The following TOX variants were observed in gnomAD, a reference collection of about 807,000 sequenced individuals.
The protein encoded by TOX is thymocyte selection associated high mobility group box.
Under a neutral mutation model 53.7 loss-of-function variants are expected in TOX, and 11 were observed. The observed-to-expected ratio is 0.20, with a 90% confidence interval of 0.13 to 0.34. TOX has a LOEUF of 0.34. Among genes scored for constraint, TOX ranks in the 10% least tolerant of loss-of-function variants. TOX has a pLI of 1.00. For synonymous variants in TOX, 225 were observed against 245.3 expected, an observed-to-expected ratio of 0.92 and a Z score of 0.77; for missense variants, 570 against 664.6, an observed-to-expected ratio of 0.86 and a Z score of 1.56.
At chr8:59,079,312 C>G (rs1441662030) in intron 1 of TOX, among the ~76,000 whole-genome samples, 1 of 152,162 alleles carries the variant, frequency 6.6e-6, no homozygotes, top group African/African-American at 2.4e-5. Flanking sequence ...ACATCCAAGA[C>G]AATGGGAAAA....
chr8:59,073,566 G>GT (rs985694506), intron 1 of TOX, among the ~76,000 whole-genome samples: 1 of 151,702 alleles, frequency 6.6e-6, no homozygotes, highest in Non-Finnish European at 1.5e-5. Flanking sequence ...TTTTAATCTT[G>GT]TTTTTTTGTT....
intron 1 of TOX, among the ~76,000 whole-genome samples, chr8:59,081,538 G>A (rs1035903948): frequency 1.3e-5 from 2 of 152,150 alleles, no homozygotes; most frequent in African/African-American, 4.8e-5. Flanking sequence ...GTCAATGGTA[G>A]CTTTAAGTTT....
chr8:59,000,707 T>C (rs1339367391), intron 1 of TOX, among the ~76,000 whole-genome samples: 4 of 152,062 alleles, frequency 2.6e-5, no homozygotes, highest in Admixed American at 6.5e-5. Context: ...TAAAGAAAAA[T>C]TGAGAATTGA....
chr8:59,033,733 G>A lies in TOX; in HGVS notation c.103-73725C>T, dbSNP rs114499539. 3.7e-3 allele frequency among the ~76,000 whole-genome samples: 560 copies of A among 152,240 alleles called. 6 individuals carry two copies. The highest frequency in any genetic ancestry group is 0.013 in the African/African-American group (535 of 41,542). On this transcript the variant is annotated intron_variant, in intron 1 of 8. Coordinates refer to ENST00000361421, the MANE Select transcript of TOX (RefSeq NM_014729.3). ...ATTATATATCCAATCTCTCCATCAC[G>A]TCAGGGGAAGGGAACTATTTCCGAC...
At chr8:59,040,919 C>T (rs1803570247) in intron 1 of TOX, among the ~76,000 whole-genome samples, 1 of 152,182 alleles carries the variant, frequency 6.6e-6, no homozygotes, top group Non-Finnish European at 1.5e-5. Context: ...GCAGGACACA[C>T]CCTTGCTTCA....
intron 1 of TOX, among the ~76,000 whole-genome samples, chr8:59,021,463 C>CAAAAA (rs148800261): frequency 0.011 from 731 of 69,436 alleles, 20 homozygotes; most frequent in Non-Finnish European, 0.015. Flanking sequence ...TTTCTACAAG[C>CAAAAA]AAAAAAAAAA....
rs149554633 is a variant in TOX, at chr8:58,880,000, A to G, written c.412-28195T>C. Among the ~76,000 whole-genome samples the G allele has an allele frequency of 3.7e-3, 558 of 152,284 alleles. 4 individuals are homozygous for G. The highest frequency in any genetic ancestry group is 0.013 in the African/African-American group (534 of 41,550). On this transcript the variant is annotated intron_variant, in intron 3 of 8. Transcript: ENST00000361421. ...TTTATTATCTTTACTGTCTTTTTAA[A>G]ATGGTCATATCTATTTTGAAACATT... is the stretch of plus-strand genomic sequence containing the variant.
intron 1 of TOX, among the ~76,000 whole-genome samples, chr8:58,995,160 T>G (rs1813538790): frequency 6.6e-6 from 1 of 152,222 alleles, no homozygotes; most frequent in Non-Finnish European, 1.5e-5. Flanking sequence ...TTTATTTAAA[T>G]CTCACTTGAG....
At chr8:58,825,685 TA>T (rs1563363260) in intron 6 of TOX, among the ~76,000 whole-genome samples, 1 of 152,366 alleles carries the variant, frequency 6.6e-6, no homozygotes, top group East Asian at 1.9e-4. Flanking sequence ...GTTTTTGGCA[TA>T]ATTATCTGTT....
chr8:59,092,090 A>AAATAC (rs1007364237), intron 1 of TOX, among the ~76,000 whole-genome samples: 6 of 150,818 alleles, frequency 4.0e-5, no homozygotes, highest in Non-Finnish European at 8.8e-5. Context: ...TCTCTACTAA[A>AAATAC]AATACAAAAA....
At chr8:58,889,183 G>A (rs1251965324) in intron 3 of TOX, among the ~76,000 whole-genome samples, 1 of 147,014 alleles carries the variant, frequency 6.8e-6, no homozygotes, top group Non-Finnish European at 1.5e-5. Flanking sequence ...TTTATACAGG[G>A]CTCTTCATTG....
intron 3 of TOX, among the ~76,000 whole-genome samples, chr8:58,899,716 G>A (rs1463708472): frequency 1.3e-5 from 2 of 152,058 alleles, no homozygotes; most frequent in African/African-American, 2.4e-5. Context: ...CTGAAACAAC[G>A]CTCAAAGGAA....
At chr8:58,882,127 G>A (rs1328048816) in intron 3 of TOX, among the ~76,000 whole-genome samples, 1 of 152,188 alleles carries the variant, frequency 6.6e-6, no homozygotes, top group African/African-American at 2.4e-5. Context: ...GTGCATGTCT[G>A]GTGAACCATG....
chr8:58,842,849 G>A (rs1810667220), intron 4 of TOX, among the ~76,000 whole-genome samples: 1 of 152,214 alleles, frequency 6.6e-6, no homozygotes, highest in Non-Finnish European at 1.5e-5. Context: ...AATCCATTTT[G>A]TTAGTTGCCT....
chr8:59,051,742 G>C (rs550381049), intron 1 of TOX, among the ~76,000 whole-genome samples: 1 of 152,050 alleles, frequency 6.6e-6, no homozygotes, highest in Non-Finnish European at 1.5e-5. Context: ...TGTTGGATGG[G>C]GACTGAGTGT....
At chr8:58,894,960 C>G (rs916048746) in intron 3 of TOX, among the ~76,000 whole-genome samples, 1 of 151,660 alleles carries the variant, frequency 6.6e-6, no homozygotes, top group African/African-American at 2.4e-5. Context: ...GAGGCGGAGG[C>G]AGGGGGATCA....
chr8:58,924,708 C>G (rs900306472), intron 3 of TOX, among the ~76,000 whole-genome samples: 17 of 152,196 alleles, frequency 1.1e-4, no homozygotes, highest in Admixed American at 2.0e-4. Context: ...ATCCACGATT[C>G]AGAGTTATGT....
intron 1 of TOX, among the ~76,000 whole-genome samples, chr8:59,007,414 A>G (rs1311090631): frequency 6.6e-6 from 1 of 152,182 alleles, no homozygotes. Flanking sequence ...GGGGAAGGCA[A>G]TGTGTGTAAC....
chr8:58,958,948 G>C (rs568653732), intron 2 of TOX, among the ~76,000 whole-genome samples: 20 of 152,200 alleles, frequency 1.3e-4, no homozygotes, highest in Non-Finnish European at 2.6e-4. Context: ...CCTTAATGAA[G>C]AAAAAGAAGT....
Sources: gnomAD v4.1 joint callset for allele counts (sites outside exome capture counted in the v4.1 genomes callset) on GRCh38, gnomAD v4.1.1 for gene constraint, MANE v1.5 for transcripts, NCBI Gene and HGNC (gene_info 2026-07-23, HGNC 2026-07-21) for gene names.